The following PDE9A variants were observed in gnomAD, a reference collection of about 807,000 sequenced individuals.
PDE9A encodes the protein phosphodiesterase 9A.
In PDE9A, 60 loss-of-function variants were observed where a neutral mutation model predicts 87.4. That is an observed-to-expected ratio of 0.69 (90% CI 0.56 to 0.85). PDE9A has a LOEUF of 0.85. Ranked by LOEUF, PDE9A falls within the 40% of genes least tolerant of loss-of-function variation. The pLI is 0.00. For synonymous variants in PDE9A, 272 were observed against 279.4 expected (o/e 0.97, Z 0.27); for missense variants, 665 against 779.0 (o/e 0.85, Z 1.74).
intron 4 of PDE9A, among the ~76,000 whole-genome samples, chr21:42,719,056 G>A (rs1471480577): frequency 1.3e-5 from 2 of 151,640 alleles, no homozygotes; most frequent in East Asian, 1.9e-4. Context: ...TCTCTAACTC[G>A]ACTACATTTA....
At chr21:42,744,608 G>C (rs2053651666) in intron 8 of PDE9A, among the ~76,000 whole-genome samples, 1 of 152,242 alleles carries the variant, frequency 6.6e-6, no homozygotes, top group South Asian at 2.1e-4. Flanking sequence ...TGGGGACACA[G>C]AAGTCATTCT....
rs557813278 is a variant in PDE9A, at chr21:42,759,613, AGT to A, written c.897+534_897+535del. 2.1e-3 allele frequency among the ~76,000 whole-genome samples: 295 copies of A among 138,250 alleles called. No homozygotes were observed. Among genetic ancestry groups the A allele is most frequent in the African/African-American group, 8.0e-3 (286 of 35,926 alleles). 90.7% of individuals were successfully genotyped at this position (138,250 alleles called of 152,430 possible). On this transcript the variant is annotated intron_variant, in intron 11 of 19. Transcript: ENST00000291539. The surrounding 1 kb of genome is among the most constrained non-coding windows in gnomAD (Gnocchi z 7.2). ...TGGGTGTGTGTGAATGTGTGGTGGG[AGT>A]GTGTGGGGTGGGAGTAGGAGTGTGG...
chr21:42,698,852 TAAAA>T (rs1014263638), intron 3 of PDE9A, 112 bp from the exon 4 acceptor site: 57 of 596,538 alleles, frequency 9.6e-5, no homozygotes, highest in African/African-American at 9.5e-4. Flanking sequence ...TAAAAATAAA[TAAAA>T]AGAACCACCT....
At chr21:42,733,818 T>TA (rs2052091700) in intron 7 of PDE9A, 2 of 190,360 alleles carry the variant, frequency 1.1e-5, no homozygotes, top group Admixed American at 1.1e-4. Flanking sequence ...ATATGTCTAC[T>TA]AAGTTGTTAT....
chr21:42,676,249 G>C (rs569256057), intron 1 of PDE9A, among the ~76,000 whole-genome samples: 2 of 152,320 alleles, frequency 1.3e-5, no homozygotes, highest in East Asian at 3.9e-4. Flanking sequence ...AGCAATGCAA[G>C]AACAGCCTCA....
rs563767838 is a variant in PDE9A, at chr21:42,730,114, C to T, written c.263-1656C>T. Among the ~76,000 whole-genome samples, 5 of 152,232 alleles carry T rather than the reference C, an allele frequency of 3.3e-5. No homozygotes were observed. In the East Asian group the frequency reaches 7.7e-4, roughly 23 times the overall value. On this transcript the variant is annotated intron_variant, in intron 4 of 19. Transcript: ENST00000291539. ...CAGACAATTCCTAAGTGATCTAAAC[C>T]CCTGCTGAGTTCACCAAGTGGCCTG...
At chr21:42,679,183 G>C (rs921332187) in intron 1 of PDE9A, among the ~76,000 whole-genome samples, 2 of 152,184 alleles carry the variant, frequency 1.3e-5, no homozygotes, top group Non-Finnish European at 2.9e-5. Context: ...TCGATGCCAG[G>C]CTGGCTCAGT....
At chr21:42,674,093 C>T (rs1168011558) in intron 1 of PDE9A, among the ~76,000 whole-genome samples, 1 of 152,202 alleles carries the variant, frequency 6.6e-6, no homozygotes, top group African/African-American at 2.4e-5. Context: ...CCTCCCCAAA[C>T]CTTGCTCAAG....
intron 2 of PDE9A, among the ~76,000 whole-genome samples, chr21:42,687,277 C>T (rs941030075): frequency 1.3e-5 from 2 of 152,134 alleles, no homozygotes; most frequent in Non-Finnish European, 2.9e-5. Flanking sequence ...CAAAAATAGC[C>T]CATGGTCTGG....
chr21:42,707,127 A>G (rs1048273964), intron 4 of PDE9A, among the ~76,000 whole-genome samples: 2 of 152,246 alleles, frequency 1.3e-5, no homozygotes, highest in African/African-American at 2.4e-5. Flanking sequence ...TGAAAGATAC[A>G]TGGTGAAATG....
chr21:42,749,402 C>T (rs560295601), intron 8 of PDE9A, among the ~76,000 whole-genome samples: 11 of 152,210 alleles, frequency 7.2e-5, no homozygotes, highest in Admixed American at 5.2e-4. Flanking sequence ...GGGTGTGAAC[C>T]CAGATCGGCC....
chr21:42,661,560 C>A (rs1012222888), intron 1 of PDE9A, among the ~76,000 whole-genome samples: 1 of 152,070 alleles, frequency 6.6e-6, no homozygotes, highest in South Asian at 2.1e-4. Flanking sequence ...AGCACGTGTC[C>A]GAATTTCCTG....
At chr21:42,685,282 C>T (rs1325780655) in intron 1 of PDE9A, among the ~76,000 whole-genome samples, 3 of 152,222 alleles carry the variant, frequency 2.0e-5, no homozygotes, top group Admixed American at 2.0e-4. Context: ...CCCGGCGCTT[C>T]CACCACAGCC....
chr21:42,740,583 G>GTGGA (rs58306941), intron 7 of PDE9A, among the ~76,000 whole-genome samples: 4,036 of 108,904 alleles, frequency 0.037, 96 homozygotes, highest in South Asian at 0.081. Context: ...AGATGGATGG[G>GTGGA]TGGATGGATG....
Position 42,687,975 on chromosome 21 carries a change from A to T in PDE9A, c.199A>T (p.Met67Leu). The T allele has an allele frequency of 6.2e-7, 1 of 1,612,816 alleles. No individual in the cohort carries two copies. The highest frequency in any genetic ancestry group is 8.5e-7 in the Non-Finnish European group (1 of 1,179,880). The change falls in exon 3 of 20, where the codon ATG (methionine) becomes TTG (leucine). Residue 67 changes from methionine (M) to leucine (L), a missense_variant. Transcript: ENST00000291539. Reference protein sequence around the residue: ...DDAMVSIDPTMPANSERTPYK... With the variant: ...DDAMVSIDPTLPANSERTPYK... ...CGCCATGGTCTCCATCGACCCCACC[A>T]TGCCCGCGAATTCAGAACGGTAAGA... is the stretch of plus-strand genomic sequence containing the variant.
intron 7 of PDE9A, among the ~76,000 whole-genome samples, chr21:42,743,113 C>G (rs2053487758): frequency 6.6e-6 from 1 of 152,190 alleles, no homozygotes; most frequent in Non-Finnish European, 1.5e-5. Flanking sequence ...CTTGGAGGTT[C>G]GAAGCAAGAT....
intron 4 of PDE9A, among the ~76,000 whole-genome samples, chr21:42,719,452 T>G (rs1367963660): frequency 1.3e-5 from 2 of 151,410 alleles, no homozygotes; most frequent in Non-Finnish European, 3.0e-5. Context: ...CTGGCCAACA[T>G]GGTGAAATCC....
At chr21:42,769,338 TACACACAGGCAC>T (rs1295983753) in intron 17 of PDE9A, among the ~76,000 whole-genome samples, 183 bp downstream of exon 17, 21 of 145,940 alleles carry the variant, frequency 1.4e-4, no homozygotes, top group African/African-American at 4.1e-4. Context: ...CGCACACAGC[TACACACAGGCAC>T]ACACACAGGC....
At chr21:42,676,217 CCA>C (rs1296668117) in intron 1 of PDE9A, among the ~76,000 whole-genome samples, 1 of 152,150 alleles carries the variant, frequency 6.6e-6, no homozygotes, top group Non-Finnish European at 1.5e-5. Flanking sequence ...TATAAATGAC[CCA>C]GTCTCAGATA....
Sources: gnomAD v4.1 joint callset for allele counts (sites outside exome capture counted in the v4.1 genomes callset) on GRCh38, gnomAD v4.1.1 for gene constraint, Gnocchi (gnomAD v3.1) non-coding constraint, MANE v1.5 for transcripts, NCBI Gene and HGNC (gene_info 2026-07-23, HGNC 2026-07-21) for gene names.